Variants in TFEC observed in about 807,000 individuals in gnomAD.
TFEC encodes class E basic helix-loop-helix protein 34.
Under a neutral mutation model 41.6 loss-of-function variants are expected in TFEC, and 31 were observed. The observed-to-expected ratio is 0.74, with a 90% CI of 0.56 to 1.01. The LOEUF (loss-of-function observed/expected upper bound fraction) is 1.01, where lower values mean the gene tolerates loss of function less well. Among genes scored for constraint, TFEC ranks in the 50% least tolerant of loss-of-function variants. The pLI, the probability that TFEC is intolerant of heterozygous loss-of-function variation, is 0.00. For synonymous variants in TFEC, 143 were observed against 140.6 expected (o/e 1.02, Z -0.12); for missense variants, 402 against 404.1 (o/e 0.99, Z 0.04).
At chr7:116,083,926 T>C (rs1797146730) in intron 3 of TFEC, among the ~76,000 whole-genome samples, 1 of 151,878 alleles carries the variant, frequency 6.6e-6, no homozygotes, top group South Asian at 2.1e-4. Flanking sequence ...ACCCATTATT[T>C]TGAGTCAATG....
chr7:115,951,183 A>G (rs1791921239), intron 5 of TFEC, among the ~76,000 whole-genome samples: 1 of 152,142 alleles, frequency 6.6e-6, no homozygotes, highest in African/African-American at 2.4e-5. Flanking sequence ...GTCACAAAAC[A>G]TTTTTAAAAA....
At chr7:115,952,570 A>G in intron 5 of TFEC, among the ~76,000 whole-genome samples, 1 of 152,034 alleles carries the variant, frequency 6.6e-6, no homozygotes, top group East Asian at 1.9e-4. Flanking sequence ...ATTTAAATTT[A>G]TCTGATGTAG....
intron 1 of TFEC, among the ~76,000 whole-genome samples, chr7:116,021,019 A>T (rs1208831966): frequency 1.3e-5 from 2 of 152,212 alleles, no homozygotes; most frequent in Non-Finnish European, 2.9e-5. Flanking sequence ...ATCCAACACT[A>T]TAATGTGAGA....
At chr7:115,999,844 CAAA>C (rs71137145) in intron 1 of TFEC, among the ~76,000 whole-genome samples, 2 of 131,184 alleles carry the variant, frequency 1.5e-5, no homozygotes, top group Non-Finnish European at 1.6e-5. Flanking sequence ...AGTCTCCTAG[CAAA>C]AAAAAAAAAA....
chr7:115,968,128 T>G (rs1048616417), intron 3 of TFEC: 49 of 1,483,436 alleles, frequency 3.3e-5, no homozygotes, highest in Non-Finnish European at 4.4e-5. Context: ...TTAAATTCAG[T>G]ATTTAAGGTG....
chr7:116,062,558 C>CATA (rs1491311388), intron 3 of TFEC, among the ~76,000 whole-genome samples: 1 of 61,680 alleles, frequency 1.6e-5, no homozygotes, highest in African/African-American at 6.2e-5. Context: ...CTGAGTAGTA[C>CATA]TCATATATAT....
intron 1 of TFEC, among the ~76,000 whole-genome samples, chr7:115,998,537 G>C (rs1040953019): frequency 1.3e-5 from 2 of 151,508 alleles, no homozygotes; most frequent in African/African-American, 4.8e-5. Flanking sequence ...TAGAATGGCT[G>C]AATGGATAAG....
At chr7:116,046,829 G>C (rs1232520910) in intron 3 of TFEC, among the ~76,000 whole-genome samples, 1 of 152,138 alleles carries the variant, frequency 6.6e-6, no homozygotes, top group Non-Finnish European at 1.5e-5. Flanking sequence ...GCAAAATCAT[G>C]CCACAATTTA....
rs143871544 is a variant in TFEC at position 116,067,246 on chromosome 7, T to C, written c.198+43462A>G. ...GTTTATTTTACTCAGGATTCCCTCA[T>C]TTTAGATGTTTAGGTAACATGTAAT... On this transcript the variant is annotated intron_variant, in intron 3 of 8. Transcript: ENST00000484212. 6.6e-5 allele frequency among the ~76,000 whole-genome samples: 10 copies of C among 152,092 alleles called. No homozygotes were observed. The East Asian group carries it at 1.9e-3, about 29-fold the overall frequency.
intron 3 of TFEC, among the ~76,000 whole-genome samples, chr7:116,061,947 T>A (rs1420223172): frequency 6.6e-6 from 1 of 152,102 alleles, no homozygotes; most frequent in African/African-American, 2.4e-5. Context: ...ATTCTAAGTG[T>A]TAATAAGGTT....
intron 1 of TFEC, among the ~76,000 whole-genome samples, chr7:116,126,174 T>A (rs1014327595): frequency 6.6e-6 from 1 of 152,042 alleles, no homozygotes; most frequent in Non-Finnish European, 1.5e-5. Context: ...TGAGAAAATG[T>A]GTTCAGGGGA....
intron 3 of TFEC, among the ~76,000 whole-genome samples, chr7:116,108,042 A>G (rs538846710): frequency 3.3e-5 from 5 of 152,286 alleles, no homozygotes; most frequent in African/African-American, 1.2e-4. Context: ...TAGAACTCAG[A>G]ATCTTCTACA....
chr7:116,147,710 T>C (rs1233516874), intron 1 of TFEC, among the ~76,000 whole-genome samples: 1 of 152,098 alleles, frequency 6.6e-6, no homozygotes, highest in Non-Finnish European at 1.5e-5. Context: ...TCAGTGACAA[T>C]AATGGAAGAG....
intron 1 of TFEC, among the ~76,000 whole-genome samples, chr7:116,141,014 G>GA (rs1247649512): frequency 2.0e-5 from 3 of 152,036 alleles, no homozygotes; most frequent in African/African-American, 7.2e-5. Context: ...AGGAGACTTG[G>GA]AAAAAATTCT....
chr7:116,148,869 G>A (rs894380167), intron 1 of TFEC, among the ~76,000 whole-genome samples: 2 of 150,924 alleles, frequency 1.3e-5, no homozygotes, highest in Admixed American at 1.3e-4. Flanking sequence ...CACAACACTC[G>A]ATGAGATCAT....
intron 1 of TFEC, among the ~76,000 whole-genome samples, chr7:116,145,802 T>G (rs1287846897): frequency 1.3e-5 from 2 of 152,204 alleles, no homozygotes; most frequent in African/African-American, 4.8e-5. Flanking sequence ...CAGGTCATTC[T>G]AGAGCAGGCA....
At chr7:116,057,732 A>C (rs1478546951) in intron 3 of TFEC, among the ~76,000 whole-genome samples, 2 of 151,840 alleles carry the variant, frequency 1.3e-5, no homozygotes, top group Admixed American at 1.3e-4. Context: ...AGTAAGATTA[A>C]CGAAAAAATA....
intron 2 of TFEC, among the ~76,000 whole-genome samples, chr7:115,976,581 T>C (rs954132690): frequency 2.6e-5 from 4 of 152,204 alleles, no homozygotes; most frequent in African/African-American, 7.2e-5. Flanking sequence ...GCTAGGTTAA[T>C]AGATGTGCAT....
At position 115,982,262 on chromosome 7, in the gene TFEC, C is replaced by A. The variant is rs149317436; in HGVS notation, c.180+2000G>T. Among the ~76,000 whole-genome samples, 344 of 151,862 alleles carry A rather than the reference C, an allele frequency of 2.3e-3. 5 individuals are homozygous for A. The highest frequency in any genetic ancestry group is 0.014 in the South Asian group (66 of 4,812). ...GCAACAGACACCATCTCCTGGGCTC[C>A]CACTCTGCCCTTGTGTTAAAAATTT... On this transcript the variant is annotated intron_variant, in intron 2 of 7. Transcript: ENST00000265440.
Sources: gnomAD v4.1 joint callset for allele counts (sites outside exome capture counted in the v4.1 genomes callset) on GRCh38, gnomAD v4.1.1 for gene constraint, MANE v1.5 for transcripts, NCBI Gene and HGNC (gene_info 2026-07-23, HGNC 2026-07-21) for gene names.